IPCEF1: variants seen among roughly 807,000 people sequenced by gnomAD.
IPCEF1 encodes interaction protein for cytohesin exchange factors 1, also known as interactor protein for cytohesin exchange factors 1.
A neutral mutation model predicts 50.9 loss-of-function variants in IPCEF1; 31 were observed. The ratio of observed to expected loss-of-function variants is 0.61; its 90% CI spans 0.46 to 0.82. IPCEF1 has a LOEUF of 0.82. Among genes scored for constraint, IPCEF1 ranks in the 40% least tolerant of loss-of-function variants. IPCEF1 has a pLI of 0.00. For synonymous variants in IPCEF1, 181 were observed against 192.0 expected (o/e 0.94, Z 0.47); for missense variants, 458 against 514.0 (o/e 0.89, Z 1.05).
At chr6:154,227,886 C>T (rs1401192536) in intron 5 of IPCEF1, among the ~76,000 whole-genome samples, 6 of 151,938 alleles carry the variant, frequency 3.9e-5, no homozygotes, top group African/African-American at 1.5e-4. Flanking sequence ...GAAATTATCA[C>T]TTTATAAGCA....
chr6:154,259,445 G>T (rs2128650575), intron 3 of IPCEF1, among the ~76,000 whole-genome samples: 1 of 152,250 alleles, frequency 6.6e-6, no homozygotes, highest in South Asian at 2.1e-4. Context: ...CTGAGGTCAG[G>T]AGTTCAAGAC....
intron 5 of IPCEF1, among the ~76,000 whole-genome samples, chr6:154,238,255 AT>A (rs1484462319): frequency 1.3e-5 from 2 of 151,910 alleles, no homozygotes; most frequent in East Asian, 3.9e-4. Context: ...AGGAACCTTT[AT>A]TTATTTATTT....
At chr6:154,196,127 C>T (rs560725104) in intron 10 of IPCEF1, among the ~76,000 whole-genome samples, 1 of 152,204 alleles carries the variant, frequency 6.6e-6, no homozygotes, top group Non-Finnish European at 1.5e-5. Flanking sequence ...GCACAAAGTA[C>T]ATCAGCACAT....
intron 4 of IPCEF1, 121 bp downstream of exon 4, chr6:154,247,328 T>C (rs1319734936): frequency 2.7e-6 from 2 of 730,008 alleles, no homozygotes; most frequent in Non-Finnish European, 4.8e-6. Flanking sequence ...TAATCTGCCG[T>C]CCACCTCCTC....
At chr6:154,323,315 C>T (rs1230352913) in intron 1 of IPCEF1, among the ~76,000 whole-genome samples, 1 of 152,172 alleles carries the variant, frequency 6.6e-6, no homozygotes, top group Admixed American at 6.5e-5. Flanking sequence ...AGTTCCCTTG[C>T]TCCTTGGGGA....
At chr6:154,287,516 T>G (rs993013352) in intron 2 of IPCEF1, among the ~76,000 whole-genome samples, 13 of 152,206 alleles carry the variant, frequency 8.5e-5, no homozygotes, top group Non-Finnish European at 1.8e-4. Context: ...GAAAGCGAAG[T>G]GCATAAAGGT....
At chr6:154,173,822 C>A (rs567452718) in intron 10 of IPCEF1, among the ~76,000 whole-genome samples, 9 of 152,094 alleles carry the variant, frequency 5.9e-5, no homozygotes, top group African/African-American at 1.9e-4. Context: ...ATACAGAGAA[C>A]GCCACAAAGA....
intron 7 of IPCEF1, among the ~76,000 whole-genome samples, chr6:154,215,419 C>G (rs1028247388): frequency 6.6e-6 from 1 of 152,014 alleles, no homozygotes; most frequent in East Asian, 1.9e-4. Flanking sequence ...GCCTGACCAA[C>G]AGGGAGAAAC....
chr6:154,168,063 A>T lies in IPCEF1; in HGVS notation c.961T>A (p.Leu321Ile). 1 of 1,605,886 alleles carries T rather than the reference A, an allele frequency of 6.2e-7. No individual in the cohort carries two copies. The highest frequency in any genetic ancestry group is 8.5e-7 in the Non-Finnish European group (1 of 1,173,858). The part of the protein sequence containing the change: ...DDEMEKLYKS[L>I]EQASLSPLGD... ...AGAGGAGATAGACTAGCTTGCTCTA[A>T]TGATTTGTACAGCTTCTCCATTTCA... Residue 321 changes from leucine (L) to isoleucine (I), a missense_variant, in exon 11 of 12, where the codon TTA becomes ATA. Physicochemically the swap from Leu to Ile is conservative, Grantham distance 5. Coordinates refer to ENST00000367220, the MANE Select transcript of IPCEF1 (RefSeq NM_001130700.2). This position sits in a 1 kb window ranked among gnomAD's most constrained non-coding sequence, Gnocchi z 4.1.
intron 10 of IPCEF1, among the ~76,000 whole-genome samples, chr6:154,181,943 G>A (rs1227470784): frequency 1.3e-5 from 2 of 152,172 alleles, no homozygotes; most frequent in East Asian, 1.9e-4. Context: ...AGATGAGAAC[G>A]TCAAGTTGGG....
intron 11 of IPCEF1, among the ~76,000 whole-genome samples, chr6:154,160,947 C>T (rs1046498405): frequency 2.0e-5 from 3 of 152,124 alleles, no homozygotes; most frequent in South Asian, 2.1e-4. Flanking sequence ...ATGTAAATGC[C>T]GAGTCCCCCT....
In IPCEF1 at chr6:154,278,920, GC is replaced by G. The variant is rs540845510; in HGVS notation, c.-18+10792del. 2.8e-3 allele frequency among the ~76,000 whole-genome samples: 413 copies of G among 148,816 alleles called. 4 individuals carry two copies. Among genetic ancestry groups the G allele is most frequent in the Non-Finnish European group, 5.2e-3 (352 of 67,524 alleles). The stretch of plus-strand genomic sequence containing the variant: ...GCTGGAGCTCAGGAGTTTGAGACCA[GC>G]CTGGGCAACATGGTGAAACCCTGTC... On this transcript the variant is annotated intron_variant, in intron 2 of 11. Coordinates refer to ENST00000367220, the MANE Select transcript of IPCEF1 (RefSeq NM_001130700.2).
intron 11 of IPCEF1, among the ~76,000 whole-genome samples, chr6:154,167,335 C>T (rs182796848): frequency 6.6e-6 from 1 of 152,196 alleles, no homozygotes; most frequent in Non-Finnish European, 1.5e-5. Flanking sequence ...TTCCCTTATT[C>T]CCATTGTGAA....
chr6:154,165,289 C>T (rs1294495528), intron 11 of IPCEF1, among the ~76,000 whole-genome samples: 1 of 152,176 alleles, frequency 6.6e-6, no homozygotes, highest in African/African-American at 2.4e-5. Flanking sequence ...CACATCCCCT[C>T]TCAGTCCCAT....
intron 1 of IPCEF1, among the ~76,000 whole-genome samples, chr6:154,343,196 A>AT (rs1783955640): frequency 6.6e-6 from 1 of 152,194 alleles, no homozygotes; most frequent in Non-Finnish European, 1.5e-5. Flanking sequence ...AGCTGGCCTA[A>AT]TAAGCCTCAA....
At chr6:154,274,439 A>G (rs1782003198) in intron 2 of IPCEF1, among the ~76,000 whole-genome samples, 1 of 152,198 alleles carries the variant, frequency 6.6e-6, no homozygotes, top group Non-Finnish European at 1.5e-5. Context: ...GCTAAGGGAG[A>G]TAAAAGACTT....
intron 1 of IPCEF1, among the ~76,000 whole-genome samples, chr6:154,352,260 T>C (rs1190820816): frequency 2.0e-5 from 3 of 152,216 alleles, no homozygotes; most frequent in African/African-American, 7.2e-5. Context: ...GTAATATCAT[T>C]GGTTTTTTAT....
Position 154,168,128 on chromosome 6 carries a change from A to G in IPCEF1, c.911-15T>C, listed in dbSNP as rs202162275. On this transcript the variant is annotated splice_polypyrimidine_tract_variant and intron_variant, in intron 10 of 11. Coordinates refer to ENST00000367220, the MANE Select transcript of IPCEF1 (RefSeq NM_001130700.2). This position sits in a 1 kb window ranked among gnomAD's most constrained non-coding sequence, Gnocchi z 4.1. ...TTTTGTCTCTTCTATTTGAAAAAAA[A>G]AAAGAAAGCAGTAACAATAAACCCA... 2.0e-6 allele frequency: 3 copies of G among 1,524,890 alleles called. No individual in the cohort carries two copies. The highest frequency in any genetic ancestry group is 2.6e-5 in the South Asian group (2 of 77,680). The allele number at this position is 1,524,890 out of a possible 1,614,324, so 94.5% of individuals were successfully genotyped here. A position where few individuals can be genotyped will look rare whatever the true frequency, so the allele number is the denominator to read the frequency against.
At chr6:154,278,201 C>A (rs1178075303) in intron 2 of IPCEF1, among the ~76,000 whole-genome samples, 1 of 152,092 alleles carries the variant, frequency 6.6e-6, no homozygotes, top group Admixed American at 6.5e-5. Context: ...TTTAATTTAA[C>A]AGATATGTTT....
Sources: gnomAD v4.1 joint callset for allele counts (sites outside exome capture counted in the v4.1 genomes callset) on GRCh38, gnomAD v4.1.1 for gene constraint, Gnocchi (gnomAD v3.1) non-coding constraint, MANE v1.5 for transcripts, NCBI Gene and HGNC (gene_info 2026-07-23, HGNC 2026-07-21) for gene names.